Variants in GYS2 observed in about 807,000 individuals in gnomAD.
GYS2 encodes the protein glycogen synthase 2.
In GYS2, 80 loss-of-function variants were observed where a neutral mutation model predicts 85.6. That is an observed-to-expected ratio of 0.93 (90% CI 0.78 to 1.13). GYS2 has a LOEUF of 1.13. Ranked by LOEUF, GYS2 falls within the 50% of genes most tolerant of loss-of-function variation. The pLI, the probability that GYS2 is intolerant of heterozygous loss-of-function variation, is 0.00. For synonymous variants in GYS2, 328 were observed against 300.7 expected, an observed-to-expected ratio of 1.09 and a Z score of -0.94; for missense variants, 881 against 854.9, an observed-to-expected ratio of 1.03 and a Z score of -0.38.
intron 4 of GYS2, among the ~76,000 whole-genome samples, chr12:21,571,426 G>T (rs7980373): frequency 6.6e-6 from 1 of 152,036 alleles, no homozygotes; most frequent in Non-Finnish European, 1.5e-5. Context: ...ATATCTCATA[G>T]TTTTTTATTG....
chr12:21,586,892 T>C (rs1944580462), intron 1 of GYS2, among the ~76,000 whole-genome samples: 1 of 152,184 alleles, frequency 6.6e-6, no homozygotes, highest in South Asian at 2.1e-4. Flanking sequence ...AGTAGCACTG[T>C]TCCCAATAGC....
intron 15 of GYS2, among the ~76,000 whole-genome samples, chr12:21,538,700 G>A (rs571335160): frequency 2.6e-5 from 4 of 152,142 alleles, no homozygotes; most frequent in Admixed American, 2.0e-4. Context: ...AATGCCTGAC[G>A]CTCCCCTGCT....
At chr12:21,600,250 G>T (rs1034900267) in intron 1 of GYS2, among the ~76,000 whole-genome samples, 7 of 152,078 alleles carry the variant, frequency 4.6e-5, no homozygotes, top group African/African-American at 1.7e-4. Context: ...AGCCTCTCAG[G>T]TAGCTAGGAC....
intron 5 of GYS2, 126 bp downstream of exon 5, chr12:21,568,738 TA>T: frequency 1.2e-6 from 1 of 814,712 alleles, no homozygotes; most frequent in African/African-American, 1.7e-5. Context: ...TTAAAATACA[TA>T]AAAAGAGCTG....
chr12:21,598,841 G>A (rs1175307744), intron 1 of GYS2, among the ~76,000 whole-genome samples: 1 of 151,966 alleles, frequency 6.6e-6, no homozygotes, highest in South Asian at 2.1e-4. Flanking sequence ...GTATTTTATT[G>A]ATCTCTATTT....
chr12:21,598,639 T>A (rs1285467123), intron 1 of GYS2, among the ~76,000 whole-genome samples: 1 of 152,072 alleles, frequency 6.6e-6, no homozygotes, highest in Non-Finnish European at 1.5e-5. Flanking sequence ...AGAGACAGGG[T>A]CATTCCTATT....
chr12:21,560,779 G>A (rs763468672), intron 7 of GYS2, among the ~76,000 whole-genome samples: 38 of 151,940 alleles, frequency 2.5e-4, no homozygotes, highest in South Asian at 1.7e-3. Flanking sequence ...AAATATTTTC[G>A]TGCCTTTGAC....
intron 4 of GYS2, among the ~76,000 whole-genome samples, chr12:21,573,771 A>G (rs931668939): frequency 5.9e-5 from 9 of 152,248 alleles, no homozygotes; most frequent in African/African-American, 1.7e-4. Flanking sequence ...TCAAATCTCA[A>G]TTATCTACCT....
At chr12:21,593,843 C>A (rs188081212) in intron 1 of GYS2, among the ~76,000 whole-genome samples, 1 of 152,044 alleles carries the variant, frequency 6.6e-6, no homozygotes, top group Non-Finnish European at 1.5e-5. Context: ...CCTGATGGAA[C>A]ATAGGTGTGA....
intron 1 of GYS2, among the ~76,000 whole-genome samples, chr12:21,584,979 C>T (rs1400119615): frequency 6.6e-6 from 1 of 152,176 alleles, no homozygotes; most frequent in Non-Finnish European, 1.5e-5. Context: ...GTCACGATTA[C>T]AATGCCAACT....
At chr12:21,552,498 A>C (rs1273068096) in intron 11 of GYS2, among the ~76,000 whole-genome samples, 3 of 152,226 alleles carry the variant, frequency 2.0e-5, no homozygotes, top group African/African-American at 7.2e-5. Context: ...GCACAGGCCT[A>C]AGTTATTGCC....
intron 11 of GYS2, among the ~76,000 whole-genome samples, chr12:21,551,562 C>A (rs1298372069): frequency 6.6e-6 from 1 of 151,298 alleles, no homozygotes; most frequent in Non-Finnish European, 1.5e-5. Flanking sequence ...AGAGATTTAC[C>A]CCTTGGATCC....
At position 21,604,586 on chromosome 12, in the gene GYS2, G is replaced by A; in HGVS notation, c.7C>T (p.Arg3Ter). Residue 3 changes from arginine (R) to a stop codon, truncating the protein, a stop_gained, in exon 1 of 16, where the codon CGA (arginine) becomes TGA (stop). Transcript: ENST00000261195. LOFTEE classifies it high-confidence loss of function. The part of the protein sequence containing the change: ML[R>*]GRSLSVTSLG... ...GATGTTACAGAGAGGGATCGGCCTC[G>A]AAGCATTCTTCTTACAGTCCTCCGA... 6.8e-6 allele frequency: 11 copies of A among 1,612,370 alleles called. No individual in the cohort carries two copies. Among genetic ancestry groups the A allele is most frequent in the Non-Finnish European group, 9.3e-6 (11 of 1,178,704 alleles).
downstream of GYS2, among the ~76,000 whole-genome samples, chr12:21,534,711 T>C (rs1404121696): frequency 6.6e-6 from 1 of 152,172 alleles, no homozygotes; most frequent in South Asian, 2.1e-4. Flanking sequence ...GGAGCACCTA[T>C]ATATGAATTT....
intron 11 of GYS2, among the ~76,000 whole-genome samples, chr12:21,552,882 A>G (rs1405451945): frequency 6.6e-6 from 1 of 152,162 alleles, no homozygotes; most frequent in Non-Finnish European, 1.5e-5. Context: ...GTCTTACCAA[A>G]TCCTGCAGGA....
chr12:21,547,977 A>G (rs1343882280), intron 11 of GYS2, among the ~76,000 whole-genome samples: 1 of 152,228 alleles, frequency 6.6e-6, no homozygotes, highest in Non-Finnish European at 1.5e-5. Context: ...AATTCTATAT[A>G]GTCAATTAAT....
chr12:21,540,687 C>T (rs1275339018), intron 13 of GYS2, 114 bp from the exon 14 acceptor site: 3 of 875,286 alleles, frequency 3.4e-6, no homozygotes, highest in African/African-American at 3.3e-5. Context: ...TTATCTACCC[C>T]CTGACTCAGG....
chr12:21,550,722 CCT>C (rs1216921331), intron 11 of GYS2, among the ~76,000 whole-genome samples: 7 of 152,128 alleles, frequency 4.6e-5, no homozygotes, highest in African/African-American at 1.2e-4. Context: ...AGGTAGATCA[CCT>C]GAGGTCAGGA....
At chr12:21,550,014 C>G (rs1025160943) in intron 11 of GYS2, among the ~76,000 whole-genome samples, 3 of 152,132 alleles carry the variant, frequency 2.0e-5, no homozygotes, top group Non-Finnish European at 4.4e-5. Flanking sequence ...TCCTTACTAT[C>G]TTTATTTATT....
Sources: allele counts gnomAD v4.1 joint callset (sites outside exome capture counted in the v4.1 genomes callset), GRCh38; gene constraint gnomAD v4.1.1; transcripts MANE v1.5; gene names NCBI Gene and HGNC (gene_info 2026-07-23, HGNC 2026-07-21).